The following MYRIP variants were observed in gnomAD, a reference collection of about 807,000 sequenced individuals.
MYRIP encodes rab effector MyRIP.
In MYRIP, 49 loss-of-function variants were observed where a neutral mutation model predicts 98.0. That is an observed-to-expected ratio of 0.50 (90% CI 0.40 to 0.63). The LOEUF is 0.63. Ranked by LOEUF, MYRIP falls within the 30% of genes least tolerant of loss-of-function variation. The pLI, the probability that MYRIP is intolerant of heterozygous loss-of-function variation, is 0.00. For synonymous variants in MYRIP, 404 were observed against 409.5 expected, an observed-to-expected ratio of 0.99 and a Z score of 0.16; for missense variants, 1,004 against 1,058.2, an observed-to-expected ratio of 0.95 and a Z score of 0.71.
chr3:40,002,374 A>G (rs1946537332), intron 2 of MYRIP, among the ~76,000 whole-genome samples: 1 of 152,098 alleles, frequency 6.6e-6, no homozygotes, highest in Admixed American at 6.6e-5. Flanking sequence ...ATCTCTACTA[A>G]AAATACAAAA....
At chr3:39,874,827 C>G (rs1335670462) in intron 1 of MYRIP, among the ~76,000 whole-genome samples, 1 of 152,098 alleles carries the variant, frequency 6.6e-6, no homozygotes. Context: ...CTCTGCCCGG[C>G]TTTGGTATCA....
intron 2 of MYRIP, among the ~76,000 whole-genome samples, chr3:39,951,078 G>C (rs1286643860): frequency 6.6e-6 from 1 of 152,142 alleles, no homozygotes; most frequent in East Asian, 1.9e-4. Context: ...CTCTTCAGGA[G>C]ACAGAACAAC....
At chr3:39,846,596 C>T (rs557860640) in intron 1 of MYRIP, among the ~76,000 whole-genome samples, 13 of 152,262 alleles carry the variant, frequency 8.5e-5, no homozygotes, top group African/African-American at 2.9e-4. Context: ...CAGGCTGCCA[C>T]CTCTATATAG....
At chr3:40,155,200 T>G (rs1471784481) in intron 4 of MYRIP, among the ~76,000 whole-genome samples, 1 of 145,000 alleles carries the variant, frequency 6.9e-6, no homozygotes, top group African/African-American at 2.6e-5. Context: ...GTCCATGTGT[T>G]CTCATTGTTC....
Position 40,187,323 on chromosome 3 carries a change from G to A in MYRIP, c.1028-2503G>A, listed in dbSNP as rs573129124. Among the ~76,000 whole-genome samples, 106 of 152,306 alleles carry A rather than the reference G, an allele frequency of 7.0e-4. 1 individual carries two copies. Among genetic ancestry groups the A allele is most frequent in the African/African-American group, 1.7e-3 (69 of 41,556 alleles). On this transcript the variant is annotated intron_variant, in intron 9 of 16. Coordinates refer to ENST00000302541, the MANE Select transcript of MYRIP (RefSeq NM_015460.4). Reference sequence around the variant, plus strand: ...AGGTGTTCTCTAACCAAGGTCACCCGCTAGTAAATTCAGTAGCTGGGGATC... The same window carrying A: ...AGGTGTTCTCTAACCAAGGTCACCCACTAGTAAATTCAGTAGCTGGGGATC...
chr3:39,815,471 C>A (rs1940872305), intron 1 of MYRIP, among the ~76,000 whole-genome samples: 1 of 151,806 alleles, frequency 6.6e-6, no homozygotes, highest in Non-Finnish European at 1.5e-5. Flanking sequence ...TTCATTAGTC[C>A]TTAGAAGTTT....
intron 2 of MYRIP, among the ~76,000 whole-genome samples, chr3:39,991,550 C>A (rs566318668): frequency 6.6e-6 from 1 of 152,014 alleles, no homozygotes; most frequent in Non-Finnish European, 1.5e-5. Flanking sequence ...TTTCCCTTTG[C>A]TCATTTTGCT....
intron 2 of MYRIP, among the ~76,000 whole-genome samples, chr3:39,995,580 G>A (rs976980475): frequency 9.2e-5 from 14 of 152,122 alleles, no homozygotes; most frequent in Admixed American, 2.0e-4. Flanking sequence ...TGAAAGTGAC[G>A]GGGAGAATGG....
chr3:39,823,735 T>G (rs139854583), intron 1 of MYRIP, among the ~76,000 whole-genome samples: 2 of 152,334 alleles, frequency 1.3e-5, no homozygotes, highest in East Asian at 3.9e-4. Flanking sequence ...TCATTTTATA[T>G]TCTGGATATT....
chr3:40,242,278 A>G (rs1953045257), intron 12 of MYRIP: 1 of 152,314 alleles, frequency 6.6e-6, no homozygotes, highest in Non-Finnish European at 1.5e-5. Flanking sequence ...CATCATCATC[A>G]TCATCCCCAC....
At chr3:39,913,750 C>T (rs1438728737) in intron 2 of MYRIP, among the ~76,000 whole-genome samples, 1 of 152,124 alleles carries the variant, frequency 6.6e-6, no homozygotes, top group Non-Finnish European at 1.5e-5. Flanking sequence ...CAAAACAGAC[C>T]AGAAGGATAC....
intron 3 of MYRIP, among the ~76,000 whole-genome samples, chr3:40,114,073 AATC>A (rs1306893872): frequency 1.3e-5 from 2 of 152,222 alleles, no homozygotes; most frequent in African/African-American, 2.4e-5. Context: ...AAAAAATAAT[AATC>A]ATTTTGACAC....
intron 12 of MYRIP, among the ~76,000 whole-genome samples, chr3:40,239,646 C>G (rs9871555): frequency 0.038 from 5,699 of 149,664 alleles, 189 homozygotes; most frequent in African/African-American, 0.11. Flanking sequence ...ATTTGCATTT[C>G]TCTGATGGCC....
chr3:40,164,834 C>G (rs1950469970), intron 5 of MYRIP, among the ~76,000 whole-genome samples: 1 of 152,190 alleles, frequency 6.6e-6, no homozygotes, highest in Non-Finnish European at 1.5e-5. Flanking sequence ...GCTCCAGGTG[C>G]CTACCTTCCA....
chr3:40,102,318 G>A (rs949709103), intron 3 of MYRIP, among the ~76,000 whole-genome samples: 1 of 152,204 alleles, frequency 6.6e-6, no homozygotes, highest in Non-Finnish European at 1.5e-5. Flanking sequence ...CACTTCCAAA[G>A]GTAACTGATG....
intron 2 of MYRIP, among the ~76,000 whole-genome samples, chr3:39,996,653 G>A (rs1411315805): frequency 6.6e-6 from 1 of 152,036 alleles, no homozygotes; most frequent in Non-Finnish European, 1.5e-5. Context: ...GGATATCCAG[G>A]AACTGAACTC....
intron 1 of MYRIP, among the ~76,000 whole-genome samples, chr3:39,860,480 G>A (rs1339086199): frequency 6.6e-6 from 1 of 152,186 alleles, no homozygotes; most frequent in African/African-American, 2.4e-5. Context: ...GAACAGATCA[G>A]GGTGATCTTG....
chr3:40,156,307 A>T (rs1015095835), intron 4 of MYRIP, among the ~76,000 whole-genome samples: 3 of 152,150 alleles, frequency 2.0e-5, no homozygotes, highest in African/African-American at 7.2e-5. Flanking sequence ...AGTTGTAGAT[A>T]TGCGGCATTA....
intron 4 of MYRIP, among the ~76,000 whole-genome samples, chr3:40,152,860 G>T (rs2125576587): frequency 6.6e-6 from 1 of 151,954 alleles, no homozygotes; most frequent in South Asian, 2.1e-4. Flanking sequence ...CTTATGCTTG[G>T]AATCCCAATA....
Sources: allele counts gnomAD v4.1 joint callset (sites outside exome capture counted in the v4.1 genomes callset), GRCh38; gene constraint gnomAD v4.1.1; transcripts MANE v1.5; gene names NCBI Gene and HGNC (gene_info 2026-07-23, HGNC 2026-07-21).